Variants in UROC1 observed in about 807,000 individuals in gnomAD.
UROC1 encodes urocanate hydratase 1, also known as urocanate hydratase.
Under a neutral mutation model 89.5 loss-of-function variants are expected in UROC1, and 79 were observed. The observed-to-expected ratio is 0.88, with a 90% confidence interval of 0.74 to 1.06. The LOEUF is 1.06. Among genes scored for constraint, UROC1 ranks in the 50% least tolerant of loss-of-function variants. UROC1 has a pLI of 0.00. For missense variants in UROC1, 885 were observed against 907.8 expected, an observed-to-expected ratio of 0.97 and a Z score of 0.32; for synonymous variants, 361 against 354.8, an observed-to-expected ratio of 1.02 and a Z score of -0.20.
rs1462914412 is a variant in UROC1, at chr3:126,489,379, T to A, written c.1609-4A>T. On this transcript the variant is annotated splice_region_variant and splice_polypyrimidine_tract_variant and intron_variant, in intron 16 of 19. Transcript: ENST00000290868. Reference sequence around the variant, plus strand: ...CTCGGCTCAGGACCACCGGCGCCTGTGCATGGAAGGACAGAAGCTGTCAGC... The same window carrying A: ...CTCGGCTCAGGACCACCGGCGCCTGAGCATGGAAGGACAGAAGCTGTCAGC... The A allele has an allele frequency of 6.2e-7, 1 of 1,610,940 alleles. No individual in the cohort carries two copies. Among genetic ancestry groups the A allele is most frequent in the African/African-American group, 1.3e-5 (1 of 74,878 alleles).
At chr3:126,491,433 C>T (rs1165839302) in intron 16 of UROC1, among the ~76,000 whole-genome samples, 2 of 152,362 alleles carry the variant, frequency 1.3e-5, no homozygotes, top group Non-Finnish European at 2.9e-5. Flanking sequence ...TGCTGGCCAG[C>T]TGACCGCAGC....
intron 18 of UROC1, among the ~76,000 whole-genome samples, chr3:126,484,298 C>G (rs1935462290): frequency 6.6e-6 from 1 of 152,184 alleles, no homozygotes; most frequent in Non-Finnish European, 1.5e-5. Context: ...CCTGGGATGA[C>G]CTTCCCCATC....
intron 14 of UROC1, among the ~76,000 whole-genome samples, chr3:126,497,524 C>T (rs919900110): frequency 1.3e-5 from 2 of 152,238 alleles, no homozygotes; most frequent in African/African-American, 4.8e-5. Flanking sequence ...GCGTGGAAGG[C>T]TGGCGGGAGC....
intron 1 of UROC1, among the ~76,000 whole-genome samples, chr3:126,512,089 C>T (rs1424432081): frequency 1.3e-5 from 2 of 152,232 alleles, no homozygotes; most frequent in Non-Finnish European, 2.9e-5. Context: ...CTCACTCTCA[C>T]TGGCCTGGAC....
In UROC1 at chr3:126,507,716, G is replaced by A. The variant is rs754896315; in HGVS notation, c.602+26C>T. ...CCCATGGCTAACGGGGAAACACGGT[G>A]TAAACAGACTGAAATAGTGACTTAC... On this transcript the variant is annotated intron_variant, in intron 6 of 19. Transcript: ENST00000290868. 2.5e-6 allele frequency: 4 copies of A among 1,612,388 alleles called. No individual in the cohort carries two copies. In the Admixed American group the frequency reaches 6.7e-5, roughly 27 times the overall value.
intron 16 of UROC1, among the ~76,000 whole-genome samples, chr3:126,490,464 T>A (rs1935618749): frequency 6.6e-6 from 1 of 152,056 alleles, no homozygotes; most frequent in Non-Finnish European, 1.5e-5. Flanking sequence ...AGGCAGGGGA[T>A]CACTTGAGGT....
chr3:126,483,655 A>C (rs1161310536), intron 18 of UROC1, among the ~76,000 whole-genome samples, 187 bp from the exon 19 acceptor site: 2 of 152,356 alleles, frequency 1.3e-5, no homozygotes, highest in Non-Finnish European at 1.5e-5. Flanking sequence ...CAGCGTGGTT[A>C]CCTGCCACCT....
chr3:126,485,338 T>C (rs1576708608), intron 18 of UROC1, among the ~76,000 whole-genome samples: 3 of 151,926 alleles, frequency 2.0e-5, no homozygotes, highest in South Asian at 2.1e-4. Flanking sequence ...AAGGCTACCC[T>C]GTGCAGGCAG....
chr3:126,497,646 T>A (rs1159843053), intron 14 of UROC1, among the ~76,000 whole-genome samples: 1 of 152,218 alleles, frequency 6.6e-6, no homozygotes, highest in Non-Finnish European at 1.5e-5. Flanking sequence ...GACTGTGGTG[T>A]GCTGCGGGCT....
At position 126,482,315 on chromosome 3, in the gene UROC1, G is replaced by A; in HGVS notation, c.*30C>T. The A allele has an allele frequency of 6.2e-7, 1 of 1,609,446 alleles. No individual in the cohort carries two copies. The highest frequency in any genetic ancestry group is 1.3e-5 in the African/African-American group (1 of 74,976). ...GCAGGTGAGGATCGCCAGGGAGGAA[G>A]GGAGGCAGGGGCCGCGACTCCTGGC... On this transcript the variant is annotated 3_prime_UTR_variant, in exon 20 of 20. Transcript: ENST00000290868.
At chr3:126,500,588 G>C in intron 11 of UROC1, 107 bp downstream of exon 11, 29 of 1,417,042 alleles carry the variant, frequency 2.0e-5, no homozygotes, top group Non-Finnish European at 2.8e-5. Context: ...TTAAGGTCTT[G>C]CCCAAGGCCA....
At chr3:126,492,877 G>A (rs1464242648) in intron 15 of UROC1, among the ~76,000 whole-genome samples, 2 of 152,234 alleles carry the variant, frequency 1.3e-5, no homozygotes, top group Non-Finnish European at 2.9e-5. Flanking sequence ...ATCCCACAGT[G>A]ATGACATCAA....
intron 13 of UROC1, among the ~76,000 whole-genome samples, chr3:126,499,024 T>C (rs1935847055): frequency 6.6e-6 from 1 of 152,046 alleles, no homozygotes; most frequent in African/African-American, 2.4e-5. Flanking sequence ...CACGAGGGCC[T>C]GTGAAGACAT....
In UROC1 at chr3:126,509,698, C is replaced by G. The variant is rs1296746755; in HGVS notation, c.258-20G>C. The stretch of plus-strand genomic sequence containing the variant: ...TAGGCCCTGCAAGGGAAAGCCCAAC[C>G]ACCAGGCTGCCCTTCCCGCCAAAGC... On this transcript the variant is annotated intron_variant, in intron 2 of 19. Coordinates refer to ENST00000290868, the MANE Select transcript of UROC1 (RefSeq NM_144639.3). The G allele has an allele frequency of 6.5e-7, 1 of 1,549,632 alleles. No homozygotes were observed. Among genetic ancestry groups the G allele is most frequent in the South Asian group, 1.2e-5 (1 of 84,018 alleles).
At position 126,507,743 on chromosome 3, in the gene UROC1, T is replaced by C. The variant is rs1364671937; in HGVS notation, c.601A>G (p.Met201Val). The change falls in exon 6 of 20, where the codon ATG (methionine) becomes GTG (valine). Residue 201 changes from methionine to valine, a missense_variant and splice_region_variant. Coordinates refer to ENST00000290868, the MANE Select transcript of UROC1 (RefSeq NM_144639.3). ...YEKLFALGVT[M>V]YGQMTAGSYC... is the part of the protein sequence containing the mutation. ...AAACAGACTGAAATAGTGACTTACA[T>C]TGTAACCCCCAAGGCAAAGAGCTTC... 6 of 1,614,004 alleles carry C rather than the reference T, an allele frequency of 3.7e-6. No individual in the cohort carries two copies. In the Admixed American group the frequency reaches 6.7e-5, roughly 18 times the overall value.
intron 1 of UROC1, among the ~76,000 whole-genome samples, chr3:126,511,547 C>A (rs1489049914): frequency 6.6e-6 from 1 of 152,244 alleles, no homozygotes. Flanking sequence ...AGGAGGACTT[C>A]TTTCATAATC....
At position 126,507,821 on chromosome 3, in the gene UROC1, G is replaced by A. The variant is rs961897078; in HGVS notation, c.541-18C>T. 9 of 1,613,988 alleles carry A rather than the reference G, an allele frequency of 5.6e-6. No individual in the cohort carries two copies. The highest frequency in any genetic ancestry group is 1.3e-5 in the African/African-American group (1 of 74,928). Reference sequence around the variant, plus strand: ...GGAATGACCTGGAGAAGAGGATGGGGGCAGACAGAGGGGCTGAGGGCTTGG... The same window carrying A: ...GGAATGACCTGGAGAAGAGGATGGGAGCAGACAGAGGGGCTGAGGGCTTGG... On this transcript the variant is annotated intron_variant, in intron 5 of 19. Transcript: ENST00000290868.
At chr3:126,505,666 A>C in intron 8 of UROC1, 35 bp downstream of exon 8, 1 of 1,612,656 alleles carries the variant, frequency 6.2e-7, no homozygotes. Flanking sequence ...GGAGGGAGGC[A>C]GGCAGGAGCG....
At position 126,497,410 on chromosome 3, in the gene UROC1, A is replaced by G. The variant is rs149052520; in HGVS notation, c.1438+641T>C. On this transcript the variant is annotated intron_variant, in intron 14 of 19. Transcript: ENST00000290868. ...TAAAACCCAGGCAGGCCATGTAGAC[A>G]TGGAAAAACACAACCCTCTGGCAGA... Among the ~76,000 whole-genome samples the G allele has an allele frequency of 4.6e-3, 696 of 152,358 alleles. 3 individuals are homozygous for G. The highest frequency in any genetic ancestry group is 7.9e-3 in the Non-Finnish European group (536 of 68,038).
Sources: gnomAD v4.1 joint callset for allele counts (sites outside exome capture counted in the v4.1 genomes callset) on GRCh38, gnomAD v4.1.1 for gene constraint, MANE v1.5 for transcripts, NCBI Gene and HGNC (gene_info 2026-07-23, HGNC 2026-07-21) for gene names.